TBC1D5: variants seen among roughly 807,000 people sequenced by gnomAD.
TBC1D5 encodes the protein TBC1 domain family member 5, also known as TBC1 domain family, member 5.
TBC1D5 carries 75 observed loss-of-function variants against 100.3 expected under a neutral mutation model. The ratio of observed to expected loss-of-function variants is 0.75; its 90% CI spans 0.62 to 0.91. The LOEUF (loss-of-function observed/expected upper bound fraction) is 0.91, where lower values mean the gene tolerates loss of function less well. TBC1D5 is among the 40% of genes least tolerant of loss of function. The pLI is 0.00. For synonymous variants in TBC1D5, 323 were observed against 325.6 expected (o/e 0.99, Z 0.09); for missense variants, 910 against 942.4 (o/e 0.97, Z 0.45).
rs116131051 is a variant in TBC1D5 at position 17,340,200 on chromosome 3, T to C, written c.995+31875A>G. On this transcript the variant is annotated intron_variant, in intron 13 of 21. Coordinates refer to ENST00000253692, the Ensembl canonical transcript of TBC1D5. ...TCTGTGTTTCCATTTCATGTTTGGGTCCCCTCTATACTGGGAATGGGTCAC... is the reference window on the plus strand; with the variant it reads ...TCTGTGTTTCCATTTCATGTTTGGGCCCCCTCTATACTGGGAATGGGTCAC... Among the ~76,000 whole-genome samples, 525 of 152,198 alleles carry C rather than the reference T, an allele frequency of 3.4e-3. 4 individuals carry two copies. Among genetic ancestry groups the C allele is most frequent in the African/African-American group, 0.012 (497 of 41,518 alleles).
intron 17 of TBC1D5, among the ~76,000 whole-genome samples, chr3:17,225,260 G>A (rs1375002923): frequency 6.6e-6 from 1 of 151,966 alleles, no homozygotes; most frequent in Admixed American, 6.6e-5. Flanking sequence ...CCAACATGGT[G>A]AAACCCCGTC....
chr3:17,480,809 C>A (rs915631755), intron 3 of TBC1D5, among the ~76,000 whole-genome samples: 1 of 152,212 alleles, frequency 6.6e-6, no homozygotes, highest in Non-Finnish European at 1.5e-5. Flanking sequence ...ACTCAGGTCT[C>A]CCGAGAGCTG....
intron 3 of TBC1D5, among the ~76,000 whole-genome samples, chr3:17,454,867 A>C (rs2095021296): frequency 6.6e-6 from 1 of 151,910 alleles, no homozygotes; most frequent in Non-Finnish European, 1.5e-5. Flanking sequence ...CTTATGAATT[A>C]ACTTAAAGAA....
At chr3:17,688,764 G>A (rs1485080175) in intron 1 of TBC1D5, among the ~76,000 whole-genome samples, 1 of 152,082 alleles carries the variant, frequency 6.6e-6, no homozygotes, top group Non-Finnish European at 1.5e-5. Flanking sequence ...TGATTACTTT[G>A]CTCATCTCAT....
At chr3:17,191,554 T>A (rs747854698) in intron 18 of TBC1D5, among the ~76,000 whole-genome samples, 3 of 152,216 alleles carry the variant, frequency 2.0e-5, no homozygotes, top group Non-Finnish European at 4.4e-5. Flanking sequence ...CCTAAATGTC[T>A]AATGATGGGT....
intron 18 of TBC1D5, among the ~76,000 whole-genome samples, chr3:17,195,333 G>T (rs1224849807): frequency 1.3e-5 from 2 of 152,140 alleles, no homozygotes; most frequent in Non-Finnish European, 2.9e-5. Flanking sequence ...TACTTAACAA[G>T]GGTTTTCCCC....
intron 1 of TBC1D5, among the ~76,000 whole-genome samples, chr3:17,648,661 C>T (rs889195229): frequency 1.3e-5 from 2 of 150,362 alleles, no homozygotes; most frequent in African/African-American, 2.5e-5. Context: ...ACTGAAAAGT[C>T]GCCAAAAAAC....
intron 2 of TBC1D5, among the ~76,000 whole-genome samples, chr3:17,612,706 A>G (rs1260576095): frequency 6.6e-6 from 1 of 152,100 alleles, no homozygotes; most frequent in Non-Finnish European, 1.5e-5. Flanking sequence ...AAGAAGAAAT[A>G]AAACTATTTT....
intron 2 of TBC1D5, among the ~76,000 whole-genome samples, chr3:17,543,520 C>T (rs911266622): frequency 6.6e-6 from 1 of 151,966 alleles, no homozygotes; most frequent in African/African-American, 2.4e-5. Flanking sequence ...CACCTGCAGT[C>T]CCAGCTACTT....
At chr3:17,640,643 T>TTAA (rs2064408673) in intron 1 of TBC1D5, among the ~76,000 whole-genome samples, 1 of 152,192 alleles carries the variant, frequency 6.6e-6, no homozygotes, top group Non-Finnish European at 1.5e-5. Context: ...AATGAACAAG[T>TTAA]GTTAGTCATC....
chr3:17,686,576 T>C (rs1162455377), intron 1 of TBC1D5, among the ~76,000 whole-genome samples: 1 of 152,170 alleles, frequency 6.6e-6, no homozygotes, highest in East Asian at 1.9e-4. Context: ...CCAGTAAAAT[T>C]ATGTATACTG....
chr3:17,731,619 T>G (rs2076565706), intron 1 of TBC1D5, among the ~76,000 whole-genome samples: 2 of 151,954 alleles, frequency 1.3e-5, no homozygotes, highest in Non-Finnish European at 2.9e-5. Flanking sequence ...ATTACCTACC[T>G]GGCTGCGGGG....
At chr3:17,275,788 T>C (rs2079930238) in intron 15 of TBC1D5, among the ~76,000 whole-genome samples, 1 of 152,122 alleles carries the variant, frequency 6.6e-6, no homozygotes, top group African/African-American at 2.4e-5. Context: ...TAGTAGGTAA[T>C]GGACTGTGTA....
At chr3:17,683,611 C>T (rs751434554) in intron 1 of TBC1D5, among the ~76,000 whole-genome samples, 1 of 152,122 alleles carries the variant, frequency 6.6e-6, no homozygotes, top group African/African-American at 2.4e-5. Context: ...TTAAAAACTA[C>T]GGAGTACTAT....
At chr3:17,231,645 AT>A (rs201601312) in intron 17 of TBC1D5, among the ~76,000 whole-genome samples, 32 of 151,768 alleles carry the variant, frequency 2.1e-4, no homozygotes, top group African/African-American at 5.8e-4. Context: ...CATAGATAGA[AT>A]TTTTTTTTCT....
At chr3:17,167,240 G>A (rs532092172) in intron 20 of TBC1D5, among the ~76,000 whole-genome samples, 2 of 152,264 alleles carry the variant, frequency 1.3e-5, no homozygotes, top group East Asian at 3.9e-4. Context: ...CACCCCCACT[G>A]CACACCTTGG....
chr3:17,440,251 T>C (rs1398593503), intron 3 of TBC1D5, among the ~76,000 whole-genome samples: 1 of 152,140 alleles, frequency 6.6e-6, no homozygotes, highest in East Asian at 1.9e-4. Context: ...AGCATCCCAC[T>C]AGAGATCAGC....
chr3:17,514,829 G>A (rs2095962459), intron 2 of TBC1D5, among the ~76,000 whole-genome samples: 1 of 152,108 alleles, frequency 6.6e-6, no homozygotes, highest in South Asian at 2.1e-4. Flanking sequence ...CTGAGCAGAT[G>A]CTCAAGATGC....
chr3:17,543,126 G>A (rs1245481639), intron 2 of TBC1D5, among the ~76,000 whole-genome samples: 1 of 152,138 alleles, frequency 6.6e-6, no homozygotes, highest in South Asian at 2.1e-4. Flanking sequence ...GAATGGAAGG[G>A]AGGGGAGGGG....
Sources: allele counts gnomAD v4.1 joint callset (sites outside exome capture counted in the v4.1 genomes callset), GRCh38; gene constraint gnomAD v4.1.1; transcripts MANE v1.5; gene names NCBI Gene and HGNC (gene_info 2026-07-23, HGNC 2026-07-21).